The following SMG1 variants were observed in gnomAD, a reference collection of about 807,000 sequenced individuals.
SMG1 encodes the protein serine/threonine-protein kinase SMG1.
Under a neutral mutation model 419.9 loss-of-function variants are expected in SMG1, and 22 were observed. The ratio of observed to expected loss-of-function variants is 0.05; its 90% CI spans 0.04 to 0.07. The LOEUF (loss-of-function observed/expected upper bound fraction) is 0.07, where lower values mean the gene tolerates loss of function less well. Among genes scored for constraint, SMG1 ranks in the 10% least tolerant of loss-of-function variants. The pLI, the probability that SMG1 is intolerant of heterozygous loss-of-function variation, is 1.00. For synonymous variants in SMG1, 1,538 were observed against 1,553.5 expected, an observed-to-expected ratio of 0.99 and a Z score of 0.23; for missense variants, 3,185 against 4,342.0, an observed-to-expected ratio of 0.73 and a Z score of 7.49.
Position 18,882,358 on chromosome 16 carries a change from AT to A in SMG1, c.1120-21del. 1.3e-6 allele frequency: 2 copies of A among 1,497,388 alleles called. No individual in the cohort carries two copies. Among genetic ancestry groups the A allele is most frequent in the Non-Finnish European group, 1.8e-6 (2 of 1,099,484 alleles). 92.8% of individuals were successfully genotyped at this position (1,497,388 alleles called of 1,614,324 possible). On this transcript the variant is annotated intron_variant, in intron 9 of 62. Transcript: ENST00000446231. ...GAGGTCCTAGATGTGAATTCACAGC[AT>A]TCTTAATAAGTAGTACATTGTTTTA...
chr16:18,913,179 A>T (rs1214970333), intron 1 of SMG1, among the ~76,000 whole-genome samples: 1 of 152,146 alleles, frequency 6.6e-6, no homozygotes, highest in Non-Finnish European at 1.5e-5. Context: ...TCATTAATGC[A>T]TTGAATCTGA....
At chr16:18,841,391 G>A (rs1248949455) in intron 41 of SMG1, among the ~76,000 whole-genome samples, 174 bp downstream of exon 41, 1 of 96,668 alleles carries the variant, frequency 1.0e-5, no homozygotes, top group Non-Finnish European at 2.0e-5. Context: ...GAGCAAGACT[G>A]TGTCTCAAAA....
chr16:18,882,012 A>C (rs1401447053), intron 10 of SMG1, among the ~76,000 whole-genome samples, 153 bp downstream of exon 10: 5 of 152,188 alleles, frequency 3.3e-5, no homozygotes, highest in Non-Finnish European at 7.3e-5. Context: ...TAGTTATTCA[A>C]GAAAACAGTC....
chr16:18,833,360 G>A (rs1256740177), intron 50 of SMG1, among the ~76,000 whole-genome samples, 194 bp from the exon 51 acceptor site: 1 of 151,854 alleles, frequency 6.6e-6, no homozygotes, highest in Non-Finnish European at 1.5e-5. Context: ...TCATAGTCAT[G>A]TGAAATTTTT....
chr16:18,872,663 C>T, intron 13 of SMG1, 39 bp from the exon 14 acceptor site: 1 of 1,313,314 alleles, frequency 7.6e-7, no homozygotes, highest in East Asian at 2.5e-5. Context: ...ATGGCTTCTC[C>T]AAAATAAGCA....
At position 18,850,452 on chromosome 16, in the gene SMG1, G is replaced by A. The variant is rs939991474; in HGVS notation, c.5068C>T (p.Leu1690Phe). 7 of 1,612,022 alleles carry A rather than the reference G, an allele frequency of 4.3e-6. No homozygotes were observed. Among genetic ancestry groups the A allele is most frequent in the Non-Finnish European group, 5.1e-6 (6 of 1,178,940 alleles). The change falls in exon 34 of 63, where the codon CTT becomes TTT. Residue 1690 changes from leucine (L) to phenylalanine (F), a missense_variant. Physicochemically the swap from Leu to Phe is conservative, Grantham distance 22 (BLOSUM62 0). This residue lies in a region of SMG1 where 493 missense variants were observed against 552.9 expected (regional missense o/e 0.89). Coordinates refer to ENST00000446231, the MANE Select transcript of SMG1 (RefSeq NM_015092.5). ...PAGIQDEDIT[L>F]QITESEDNEE... is the part of the protein sequence containing the mutation. The stretch of plus-strand genomic sequence containing the variant: ...TTGTCTTCACTCTCAGTTATCTGAA[G>A]TGTTATATCTTCATCCTGAAGAAAA...
chr16:18,814,448 G>A (rs550873284), intron 60 of SMG1, among the ~76,000 whole-genome samples: 33 of 150,052 alleles, frequency 2.2e-4, no homozygotes, highest in African/African-American at 6.4e-4. Flanking sequence ...ACAGTGAGCC[G>A]CAACTGTGCC....
At chr16:18,905,784 G>A (rs1255418503) in intron 1 of SMG1, among the ~76,000 whole-genome samples, 4 of 151,822 alleles carry the variant, frequency 2.6e-5, no homozygotes, top group African/African-American at 7.3e-5. Context: ...GCTAATTTTT[G>A]TATTTTTAGT....
intron 23 of SMG1, 42 bp from the exon 24 acceptor site, chr16:18,864,186 A>AC: frequency 2.2e-6 from 2 of 912,832 alleles, no homozygotes; most frequent in Non-Finnish European, 2.9e-6. Flanking sequence ...TTATCTACTT[A>AC]CTTTTTTTTT....
At position 18,832,931 on chromosome 16, in the gene SMG1, T is replaced by C; in HGVS notation, c.8792+9A>G. ...TTACAAGGAAACGGCACAGCCAGCA[T>C]TCACTTGCCTGGCAACATCGATGTA... On this transcript the variant is annotated intron_variant, in intron 51 of 62. Transcript: ENST00000446231. The C allele has an allele frequency of 6.2e-7, 1 of 1,609,100 alleles. No homozygotes were observed. The highest frequency in any genetic ancestry group is 1.7e-4 in the Middle Eastern group (1 of 6,012).
At chr16:18,919,653 TATATACACAC>T (rs1257650927) in intron 1 of SMG1, among the ~76,000 whole-genome samples, 24 of 77,080 alleles carry the variant, frequency 3.1e-4, no homozygotes, top group African/African-American at 1.5e-3. Context: ...TGTGTGTGTA[TATATACACAC>T]ACACACACAC....
intron 54 of SMG1, among the ~76,000 whole-genome samples, 176 bp from the exon 55 acceptor site, chr16:18,828,344 T>A (rs778898786): frequency 6.6e-6 from 1 of 152,126 alleles, no homozygotes; most frequent in African/African-American, 2.4e-5. Flanking sequence ...CACATCCAGG[T>A]GAAAGACTTC....
Position 18,828,177 on chromosome 16 carries a change from A to G in SMG1, c.9604-9T>C, listed in dbSNP as rs754083592. On this transcript the variant is annotated splice_polypyrimidine_tract_variant and intron_variant, in intron 54 of 62. Coordinates refer to ENST00000446231, the MANE Select transcript of SMG1 (RefSeq NM_015092.5). Reference sequence around the variant, plus strand: ...AGATCTTCATGTTGCCACTGTTGAGAGAAAAAGAAATGTATTAAAATCAGC... The same window carrying G: ...AGATCTTCATGTTGCCACTGTTGAGGGAAAAAGAAATGTATTAAAATCAGC... The G allele has an allele frequency of 3.7e-6, 6 of 1,611,670 alleles. 1 individual carries two copies. The South Asian group carries it at 6.6e-5, about 18-fold the overall frequency.
intron 39 of SMG1, 33 bp from the exon 40 acceptor site, chr16:18,842,487 A>T: frequency 6.3e-7 from 1 of 1,596,682 alleles, no homozygotes; most frequent in Non-Finnish European, 8.6e-7. Context: ...ACAAATTTAC[A>T]TTACATTAGA....
chr16:18,907,792 T>C (rs2037624146), intron 1 of SMG1, among the ~76,000 whole-genome samples: 1 of 132,568 alleles, frequency 7.5e-6, no homozygotes, highest in South Asian at 2.3e-4. Context: ...GCAGAGGTTG[T>C]AGTGAGCCAA....
At chr16:18,887,516 C>CTTTGT (rs749197007) in intron 6 of SMG1, among the ~76,000 whole-genome samples, 1 of 110,140 alleles carries the variant, frequency 9.1e-6, no homozygotes, top group Non-Finnish European at 1.8e-5. Context: ...TTTTTTTTTC[C>CTTTGT]TTTTTTTTTT....
At chr16:18,910,467 T>A (rs1386131224) in intron 1 of SMG1, among the ~76,000 whole-genome samples, 1 of 151,712 alleles carries the variant, frequency 6.6e-6, no homozygotes, top group Non-Finnish European at 1.5e-5. Context: ...CTGATCTCGG[T>A]GATCTGACAG....
chr16:18,893,362 C>A (rs563651481), intron 3 of SMG1, among the ~76,000 whole-genome samples: 2 of 152,316 alleles, frequency 1.3e-5, no homozygotes, highest in South Asian at 4.1e-4. Context: ...GTGGCTCTTG[C>A]CTGTAATTAC....
chr16:18,816,374 A>G lies in SMG1; in HGVS notation c.10230T>C (p.Asn3410=). The G allele has an allele frequency of 3.7e-6, 6 of 1,613,946 alleles. No homozygotes were observed. The highest frequency in any genetic ancestry group is 5.1e-6 in the Non-Finnish European group (6 of 1,179,876). Residue 3410 remains asparagine, a synonymous_variant, in exon 58 of 63, where the codon AAT becomes AAC. Transcript: ENST00000446231. The part of the protein sequence containing the change: ...VCETIQNLVD[N]IKTVLTGHNR... ...TATGACCAGTGAGCACAGTCTTTAT[A>G]TTATCAACCAGATTCTGAATTGTTT... is the stretch of plus-strand genomic sequence containing the variant.
Sources: gnomAD v4.1 joint callset for allele counts (sites outside exome capture counted in the v4.1 genomes callset) on GRCh38, gnomAD v4.1.1 for gene constraint, gnomAD v4.1.1 regional missense constraint, MANE v1.5 for transcripts, NCBI Gene and HGNC (gene_info 2026-07-23, HGNC 2026-07-21) for gene names.